The following MYOM1 variants were observed in gnomAD, a reference collection of about 807,000 sequenced individuals.
MYOM1 encodes myomesin-1.
MYOM1 carries 164 observed loss-of-function variants against 205.3 expected under a neutral mutation model. The ratio of observed to expected loss-of-function variants is 0.80; its 90% CI spans 0.70 to 0.91. The LOEUF is 0.91. MYOM1 is among the 40% of genes least tolerant of loss of function. The pLI, the probability that MYOM1 is intolerant of heterozygous loss-of-function variation, is 0.00. For synonymous variants in MYOM1, 772 were observed against 789.4 expected, an observed-to-expected ratio of 0.98 and a Z score of 0.37; for missense variants, 2,011 against 2,127.3, an observed-to-expected ratio of 0.95 and a Z score of 1.08.
chr18:3,070,817 T>G (rs1032172989), intron 37 of MYOM1, among the ~76,000 whole-genome samples: 2 of 151,840 alleles, frequency 1.3e-5, no homozygotes, highest in Admixed American at 1.3e-4. Context: ...TCGCCCGGGC[T>G]GGAGTGATCT....
intron 5 of MYOM1, among the ~76,000 whole-genome samples, chr18:3,178,374 G>A (rs2080680286): frequency 6.6e-6 from 1 of 152,228 alleles, no homozygotes; most frequent in Admixed American, 6.5e-5. Context: ...GAACAGCAGA[G>A]GAGGGATTTG....
At chr18:3,158,152 T>C (rs1040745570) in intron 10 of MYOM1, among the ~76,000 whole-genome samples, 1 of 152,242 alleles carries the variant, frequency 6.6e-6, no homozygotes, top group African/African-American at 2.4e-5. Flanking sequence ...TTGGCCTAAA[T>C]CTTTCTAGAC....
intron 34 of MYOM1, 60 bp downstream of exon 34, chr18:3,079,119 A>G (rs2079054437): frequency 1.3e-6 from 2 of 1,565,230 alleles, no homozygotes; most frequent in Admixed American, 1.8e-5. Context: ...AACTCCCTTC[A>G]TTCCTTTTAA....
At chr18:3,080,169 G>C (rs960318980) in intron 33 of MYOM1, among the ~76,000 whole-genome samples, 1 of 151,950 alleles carries the variant, frequency 6.6e-6, no homozygotes. Context: ...TTAAAAAGTG[G>C]TATATAAAAT....
At chr18:3,069,847 C>T (rs1000402750) in intron 37 of MYOM1, among the ~76,000 whole-genome samples, 7 of 152,120 alleles carry the variant, frequency 4.6e-5, no homozygotes, top group Non-Finnish European at 7.3e-5. Flanking sequence ...ATTCTCAGTA[C>T]GACCTAGAGA....
chr18:3,124,489 C>T (rs1268508127), intron 19 of MYOM1, among the ~76,000 whole-genome samples: 8 of 151,350 alleles, frequency 5.3e-5, no homozygotes, highest in East Asian at 1.9e-4. Flanking sequence ...CCACCACGCC[C>T]GGCTAATTTT....
intron 28 of MYOM1, 115 bp downstream of exon 28, chr18:3,089,422 C>T: frequency 1.3e-6 from 1 of 782,100 alleles, no homozygotes; most frequent in Non-Finnish European, 2.0e-6. Flanking sequence ...TTTTAATTTA[C>T]TAGGCATTAT....
At chr18:3,193,136 T>C (rs4798073) in intron 3 of MYOM1, among the ~76,000 whole-genome samples, 82,143 of 151,388 alleles carry the variant, frequency 0.54, 23,527 homozygotes, top group African/African-American at 0.74. Flanking sequence ...TAGCTGGGTG[T>C]GGTGGCTCGT....
chr18:3,189,422 CG>C lies in MYOM1; in HGVS notation c.432-336del, dbSNP rs1567958993. Among the ~76,000 whole-genome samples, 21 of 150,120 alleles carry C rather than the reference CG, an allele frequency of 1.4e-4. No homozygotes were observed. The highest frequency in any genetic ancestry group is 3.4e-3 in the Middle Eastern group (1 of 290). ...TTGCCCAGGCTGGAGTGCAGTGGTG[CG>C]ATCTCAGCTCACTGCAACCTTGGCC... On this transcript the variant is annotated intron_variant, in intron 3 of 37. Coordinates refer to ENST00000356443, the MANE Select transcript of MYOM1 (RefSeq NM_003803.4). This position sits in a 1 kb window ranked among gnomAD's most constrained non-coding sequence, Gnocchi z 4.8.
rs535709825 is a variant in MYOM1 at position 3,136,588 on chromosome 18, G to C, written c.2026-858C>G. On this transcript the variant is annotated intron_variant, in intron 14 of 37. Transcript: ENST00000356443. ...ACTACAGGCACATGCCACCACACCTGGCTAATTTTTGTATTTTTTTGGTAG... is the reference window on the plus strand; with the variant it reads ...ACTACAGGCACATGCCACCACACCTCGCTAATTTTTGTATTTTTTTGGTAG... Among the ~76,000 whole-genome samples, 11 of 151,920 alleles carry C rather than the reference G, an allele frequency of 7.2e-5. No homozygotes were observed. The South Asian group carries it at 2.3e-3, about 32-fold the overall frequency.
chr18:3,210,781 G>A (rs949114636), intron 2 of MYOM1, among the ~76,000 whole-genome samples: 2 of 152,190 alleles, frequency 1.3e-5, no homozygotes, highest in African/African-American at 4.8e-5. Flanking sequence ...TTGGGTGCCC[G>A]TGGAAAGGGT....
chr18:3,226,993 G>A, the MYOM1 span, among the ~76,000 whole-genome samples: 1 of 152,170 alleles, frequency 6.6e-6, no homozygotes, highest in Non-Finnish European at 1.5e-5. The surrounding 1 kb of genome is among the most constrained non-coding windows in gnomAD (Gnocchi z 4.6). Context: ...AGAGGGACAA[G>A]CCCCTAAGCC....
At chr18:3,183,041 TGCCTCA>T (rs958869122) in intron 5 of MYOM1, among the ~76,000 whole-genome samples, 2 of 148,766 alleles carry the variant, frequency 1.3e-5, no homozygotes, top group African/African-American at 4.9e-5. Context: ...TCGATTCTCC[TGCCTCA>T]GCCTCCCCAG....
intron 22 of MYOM1, among the ~76,000 whole-genome samples, chr18:3,111,089 T>C (rs12969872): frequency 0.19 from 3 of 16 alleles, no homozygotes; most frequent in Non-Finnish European, 0.3. Context: ...GCAGCTAGGA[T>C]TACAGGCACT....
At chr18:3,073,263 G>A (rs1426647868) in intron 36 of MYOM1, among the ~76,000 whole-genome samples, 1 of 152,144 alleles carries the variant, frequency 6.6e-6, no homozygotes, top group Non-Finnish European at 1.5e-5. Flanking sequence ...GGGATCCTGG[G>A]TGCCCTCAGC....
chr18:3,218,621 G>T (rs935395669), intron 1 of MYOM1, among the ~76,000 whole-genome samples: 4 of 152,078 alleles, frequency 2.6e-5, no homozygotes, highest in Non-Finnish European at 5.9e-5. Flanking sequence ...AAACAAAGGG[G>T]TTAGAAAATG....
intron 33 of MYOM1, 94 bp downstream of exon 33, chr18:3,083,695 C>G: frequency 1.1e-6 from 1 of 899,186 alleles, no homozygotes; most frequent in Non-Finnish European, 1.7e-6. Flanking sequence ...ATCCACCTGC[C>G]TCGGCCTCCC....
chr18:3,169,026 A>C, intron 8 of MYOM1, 45 bp from the exon 9 acceptor site: 1 of 1,542,424 alleles, frequency 6.5e-7, no homozygotes, highest in Non-Finnish European at 8.8e-7. Flanking sequence ...TTCTTCATCA[A>C]AGAGACACAA....
At position 3,179,663 on chromosome 18, in the gene MYOM1, G is replaced by A. The variant is rs1043850650; in HGVS notation, c.930-3529C>T. Among the ~76,000 whole-genome samples the A allele has an allele frequency of 1.3e-5, 2 of 152,156 alleles. No homozygotes were observed. The highest frequency in any genetic ancestry group is 2.4e-5 in the African/African-American group (1 of 41,432). On this transcript the variant is annotated intron_variant, in intron 5 of 37. Coordinates refer to ENST00000356443, the MANE Select transcript of MYOM1 (RefSeq NM_003803.4). The surrounding 1 kb of genome is among the most constrained non-coding windows in gnomAD (Gnocchi z 4.4). ...TCAGACAGCTGTCTCAACATGGCTCGAGCAGACAGGACTATCTGATCAGAG... is the reference window on the plus strand; with the variant it reads ...TCAGACAGCTGTCTCAACATGGCTCAAGCAGACAGGACTATCTGATCAGAG...
Sources: allele counts gnomAD v4.1 joint callset (sites outside exome capture counted in the v4.1 genomes callset), GRCh38; gene constraint gnomAD v4.1.1; non-coding constraint Gnocchi (gnomAD v3.1); transcripts MANE v1.5; gene names NCBI Gene and HGNC (gene_info 2026-07-23, HGNC 2026-07-21).